MGA: variants seen among roughly 807,000 people sequenced by gnomAD.
MGA encodes the protein MAX dimerization protein MGA.
A neutral mutation model predicts 261.1 loss-of-function variants in MGA; 40 were observed. The ratio of observed to expected loss-of-function variants is 0.15; its 90% CI spans 0.12 to 0.20. The LOEUF (loss-of-function observed/expected upper bound fraction) is 0.20, where lower values mean the gene tolerates loss of function less well. Ranked by LOEUF, MGA falls within the 10% of genes least tolerant of loss-of-function variation. The pLI is 1.00. For missense variants in MGA, 3,397 were observed against 3,630.5 expected, an observed-to-expected ratio of 0.94 and a Z score of 1.65; for synonymous variants, 1,302 against 1,290.6, an observed-to-expected ratio of 1.01 and a Z score of -0.19.
chr15:41,667,445 C>T (rs1360568012), intron 1 of MGA, among the ~76,000 whole-genome samples: 1 of 152,038 alleles, frequency 6.6e-6, no homozygotes, highest in East Asian at 1.9e-4. Context: ...AGGGTTTCAC[C>T]ATGTTGGCCA....
At chr15:41,697,108 T>G (rs1263354017) in intron 3 of MGA, 85 bp downstream of exon 3, 2 of 1,162,542 alleles carry the variant, frequency 1.7e-6, no homozygotes, top group African/African-American at 1.6e-5. Context: ...CGATTTACAA[T>G]CTAGTTTTGT....
At chr15:41,671,481 G>A (rs2058057523) in intron 2 of MGA, among the ~76,000 whole-genome samples, 1 of 151,872 alleles carries the variant, frequency 6.6e-6, no homozygotes, top group South Asian at 2.1e-4. Context: ...GTGCCACCAT[G>A]CCCGGCTAAA....
chr15:41,716,829 TTAA>T (rs2060663435), intron 9 of MGA, among the ~76,000 whole-genome samples: 1 of 152,144 alleles, frequency 6.6e-6, no homozygotes, highest in Non-Finnish European at 1.5e-5. Context: ...TATTATATAG[TTAA>T]TATATAAAAA....
rs1330375788 is a variant in MGA, at chr15:41,707,787, G to A, written c.2248G>A (p.Val750Ile). The A allele has an allele frequency of 6.2e-7, 1 of 1,613,660 alleles. No homozygotes were observed. Among genetic ancestry groups the A allele is most frequent in the Non-Finnish European group, 8.5e-7 (1 of 1,179,674 alleles). The change falls in exon 6 of 24, where the codon GTA (valine) becomes ATA (isoleucine). Residue 750 changes from valine (V) to isoleucine (I), a missense_variant. Val to Ile is a conservative substitution (Grantham distance 29). Coordinates refer to ENST00000219905, the MANE Select transcript of MGA (RefSeq NM_001164273.2). ...GAGCATTGATCTTAAATACTTGGGA[G>A]TACAGTTACCTTTGGCTCCAGCTAC...
intron 3 of MGA, among the ~76,000 whole-genome samples, chr15:41,698,554 G>A (rs575120968): frequency 6.6e-6 from 1 of 152,162 alleles, no homozygotes; most frequent in Admixed American, 6.5e-5. Context: ...TAAGCTATCT[G>A]AATATAGGCT....
At chr15:41,636,710 C>T (rs965538885) in intron 1 of MGA, among the ~76,000 whole-genome samples, 2 of 151,958 alleles carry the variant, frequency 1.3e-5, no homozygotes, top group African/African-American at 4.8e-5. Context: ...CCACCATACC[C>T]AGCCTAATTT....
intron 2 of MGA, among the ~76,000 whole-genome samples, chr15:41,688,416 A>G (rs1465344765): frequency 2.0e-5 from 3 of 152,108 alleles, no homozygotes; most frequent in Non-Finnish European, 2.9e-5. Context: ...TTATTGAGCC[A>G]TATTGGTTTC....
At chr15:41,691,848 T>G (rs1227592934) in intron 2 of MGA, among the ~76,000 whole-genome samples, 1 of 152,174 alleles carries the variant, frequency 6.6e-6, no homozygotes, top group Non-Finnish European at 1.5e-5. Context: ...TTTCAGTATT[T>G]TTCTCTTCAT....
intron 2 of MGA, among the ~76,000 whole-genome samples, chr15:41,682,153 G>T (rs2058716210): frequency 6.6e-6 from 1 of 152,120 alleles, no homozygotes; most frequent in Admixed American, 6.6e-5. Flanking sequence ...CTGACCTCAG[G>T]TGATCTGCCT....
At chr15:41,664,199 AT>A (rs1005129667) in intron 1 of MGA, among the ~76,000 whole-genome samples, 3 of 152,142 alleles carry the variant, frequency 2.0e-5, no homozygotes, top group African/African-American at 7.2e-5. Flanking sequence ...ACATTTTTAC[AT>A]TTTTTTATTA....
chr15:41,689,427 C>T lies in MGA; in HGVS notation c.1065-6648C>T, dbSNP rs557266744. Among the ~76,000 whole-genome samples the T allele has an allele frequency of 6.6e-5, 10 of 151,508 alleles. 1 individual carries two copies. The South Asian group carries it at 1.9e-3, about 28-fold the overall frequency. On this transcript the variant is annotated intron_variant, in intron 2 of 23. Coordinates refer to ENST00000219905, the MANE Select transcript of MGA (RefSeq NM_001164273.2). ...CCCTCTCTTTCTCCTCTTTCCCTCT[C>T]TCCTTCTCTCCTTAAAAATAAAAAA... is the stretch of plus-strand genomic sequence containing the variant.
At chr15:41,717,222 T>G (rs189262838) in intron 9 of MGA, among the ~76,000 whole-genome samples, 2 of 152,218 alleles carry the variant, frequency 1.3e-5, no homozygotes, top group Non-Finnish European at 2.9e-5. Context: ...TATCACCTGC[T>G]TATCCTTTGG....
At chr15:41,756,165 A>G (rs1469591047) in intron 18 of MGA, among the ~76,000 whole-genome samples, 2 of 152,218 alleles carry the variant, frequency 1.3e-5, no homozygotes, top group African/African-American at 2.4e-5. Context: ...AGTGTTTGCC[A>G]TACGTATTAA....
chr15:41,678,662 G>T (rs1041284583), intron 2 of MGA, among the ~76,000 whole-genome samples: 1 of 151,678 alleles, frequency 6.6e-6, no homozygotes. Context: ...AGCTACTCAG[G>T]AGGCTGAGGC....
At chr15:41,666,338 T>TA (rs1430192275) in intron 1 of MGA, among the ~76,000 whole-genome samples, 1 of 152,264 alleles carries the variant, frequency 6.6e-6, no homozygotes, top group Non-Finnish European at 1.5e-5. Flanking sequence ...TTTCCAGAGA[T>TA]AGTCTGTGTA....
chr15:41,747,660 C>T (rs768089504), intron 15 of MGA, among the ~76,000 whole-genome samples: 2 of 151,992 alleles, frequency 1.3e-5, no homozygotes, highest in Non-Finnish European at 2.9e-5. Flanking sequence ...CCCACCACTG[C>T]ACTCTAGCCT....
intron 22 of MGA, 21 bp from the exon 23 acceptor site, chr15:41,764,865 A>G: frequency 6.2e-7 from 1 of 1,612,536 alleles, no homozygotes; most frequent in Non-Finnish European, 8.5e-7. Flanking sequence ...ATCTATAACT[A>G]ATTTCTGATC....
intron 1 of MGA, among the ~76,000 whole-genome samples, chr15:41,641,452 G>A (rs2056816925): frequency 6.7e-6 from 1 of 149,172 alleles, no homozygotes; most frequent in South Asian, 2.1e-4. Flanking sequence ...TTCACCAACA[G>A]AAAATGAGAG....
At chr15:41,624,145 A>G (rs571097218) in intron 1 of MGA, among the ~76,000 whole-genome samples, 1 of 151,102 alleles carries the variant, frequency 6.6e-6, no homozygotes, top group African/African-American at 2.4e-5. Context: ...GCTTACTGCA[A>G]CCTCTGCTTC....
Sources: allele counts gnomAD v4.1 joint callset (sites outside exome capture counted in the v4.1 genomes callset), GRCh38; gene constraint gnomAD v4.1.1; transcripts MANE v1.5; gene names NCBI Gene and HGNC (gene_info 2026-07-23, HGNC 2026-07-21).